ACTR3: variants seen among roughly 807,000 people sequenced by gnomAD.
ACTR3 encodes actin-related protein 3.
ACTR3 carries 12 observed loss-of-function variants against 56.8 expected under a neutral mutation model. The ratio of observed to expected loss-of-function variants is 0.21; its 90% CI spans 0.14 to 0.34. The LOEUF (loss-of-function observed/expected upper bound fraction) is 0.34, where lower values mean the gene tolerates loss of function less well. Among genes scored for constraint, ACTR3 ranks in the 10% least tolerant of loss-of-function variants. The pLI, the probability that ACTR3 is intolerant of heterozygous loss-of-function variation, is 1.00. For synonymous variants in ACTR3, 162 were observed against 167.4 expected (o/e 0.97, Z 0.25); for missense variants, 282 against 512.5 (o/e 0.55, Z 4.34).
intron 3 of ACTR3, among the ~76,000 whole-genome samples, chr2:113,921,360 T>C (rs1679504503): frequency 6.6e-6 from 1 of 151,840 alleles, no homozygotes; most frequent in South Asian, 2.1e-4. Context: ...ATTCCTTATA[T>C]ATTCTGGATG....
At chr2:113,922,833 CA>C (rs1310211493) in intron 3 of ACTR3, among the ~76,000 whole-genome samples, 1 of 152,094 alleles carries the variant, frequency 6.6e-6, no homozygotes, top group African/African-American at 2.4e-5. Context: ...ACCAGTGGAC[CA>C]AAAGTCTTAA....
intron 1 of ACTR3, among the ~76,000 whole-genome samples, chr2:113,910,738 G>A (rs1679291785): frequency 6.6e-6 from 1 of 152,146 alleles, no homozygotes; most frequent in African/African-American, 2.4e-5. Flanking sequence ...GTGGTGGTGT[G>A]TAAGCAGAGG....
chr2:113,921,115 C>A (rs1302079366), intron 3 of ACTR3, among the ~76,000 whole-genome samples: 1 of 152,196 alleles, frequency 6.6e-6, no homozygotes, highest in African/African-American at 2.4e-5. Flanking sequence ...TTCTGCACAT[C>A]CTTGCCAGCA....
chr2:113,897,092 C>T (rs1334154936), intron 1 of ACTR3, among the ~76,000 whole-genome samples: 1 of 152,092 alleles, frequency 6.6e-6, no homozygotes, highest in African/African-American at 2.4e-5. Context: ...CAGTGATAGA[C>T]AGTAGCATAA....
rs1680321141 is a variant in ACTR3 at position 113,961,322 on chromosome 2, T to A, written c.*3867T>A. 6.6e-6 allele frequency: 1 copy of A among 151,876 alleles called. No individual in the cohort carries two copies. Among genetic ancestry groups the A allele is most frequent in the African/African-American group, 2.4e-5 (1 of 41,398 alleles). 9.4% of individuals were successfully genotyped at this position (151,876 alleles called of 1,614,324 possible). On this transcript the variant is annotated 3_prime_UTR_variant, in exon 12 of 12. Coordinates refer to ENST00000263238, the MANE Select transcript of ACTR3 (RefSeq NM_005721.5). ...GTGCTGAAATTAAATATAACCTATT[T>A]GAGTTAAGGATTTATTACTAGTGCT...
At chr2:113,951,651 T>A in intron 9 of ACTR3, 69 bp from the exon 10 acceptor site, 2 of 1,479,796 alleles carry the variant, frequency 1.4e-6, no homozygotes, top group Non-Finnish European at 1.9e-6. Context: ...ATAATAGCAT[T>A]TCAGTACTAT....
intron 1 of ACTR3, among the ~76,000 whole-genome samples, chr2:113,907,976 C>CG: frequency 1.4e-5 from 1 of 69,078 alleles, no homozygotes; most frequent in Admixed American, 1.6e-4. Context: ...CTCTGTCCCC[C>CG]AAAAAAAAAA....
At chr2:113,895,203 T>C (rs1056029402) in intron 1 of ACTR3, among the ~76,000 whole-genome samples, 1 of 152,144 alleles carries the variant, frequency 6.6e-6, no homozygotes, top group Non-Finnish European at 1.5e-5. Context: ...GAGAATTGTA[T>C]GTCAGCCCCT....
intron 1 of ACTR3, among the ~76,000 whole-genome samples, chr2:113,895,067 C>A (rs935015070): frequency 5.5e-5 from 6 of 108,824 alleles, no homozygotes; most frequent in Non-Finnish European, 8.7e-5. Context: ...GTTCCCCCCC[C>A]CCACCCCCCT....
At chr2:113,891,059 G>A (rs994094281) in intron 1 of ACTR3, among the ~76,000 whole-genome samples, 4 of 152,158 alleles carry the variant, frequency 2.6e-5, no homozygotes, top group Non-Finnish European at 5.9e-5. Context: ...TGTCAAAGCC[G>A]CTTCCTGCTT....
At chr2:113,936,571 C>CTTTG (rs1679831313) in intron 6 of ACTR3, among the ~76,000 whole-genome samples, 1 of 152,062 alleles carries the variant, frequency 6.6e-6, no homozygotes, top group Admixed American at 6.6e-5. Context: ...CAGCTTTGAC[C>CTTTG]TTCTAGTCTT....
At chr2:113,890,623 G>A in intron 1 of ACTR3, 1 of 1,283,874 alleles carries the variant, frequency 7.8e-7, no homozygotes, top group Non-Finnish European at 9.8e-7. Flanking sequence ...GCCGCCCAAA[G>A]GGCGCTGGGG....
intron 4 of ACTR3, among the ~76,000 whole-genome samples, chr2:113,927,764 T>C (rs1014212745): frequency 8.5e-5 from 13 of 152,198 alleles, no homozygotes; most frequent in Admixed American, 2.6e-4. Flanking sequence ...TAAAAAACAA[T>C]AGTCTGATTA....
chr2:113,916,024 G>C (rs547987908), intron 2 of ACTR3, among the ~76,000 whole-genome samples: 4 of 152,232 alleles, frequency 2.6e-5, no homozygotes, highest in Non-Finnish European at 4.4e-5. Context: ...GAGCCACCTG[G>C]ATGTCTATGT....
intron 3 of ACTR3, among the ~76,000 whole-genome samples, chr2:113,921,590 T>C (rs918010036): frequency 1.3e-5 from 2 of 152,180 alleles, no homozygotes; most frequent in African/African-American, 4.8e-5. Flanking sequence ...TTCTAGTACT[T>C]TTATAGTTTT....
chr2:113,913,076 G>C, intron 1 of ACTR3, 96 bp from the exon 2 acceptor site: 1 of 773,776 alleles, frequency 1.3e-6, no homozygotes, highest in Non-Finnish European at 2.1e-6. Context: ...ATTTACCTAC[G>C]ATGGAATCTC....
At position 113,957,643 on chromosome 2, in the gene ACTR3, G is replaced by A. The variant is rs1207743244; in HGVS notation, c.*188G>A. 2 of 470,136 alleles carry A rather than the reference G, an allele frequency of 4.3e-6. No individual in the cohort carries two copies. The highest frequency in any genetic ancestry group is 7.6e-6 in the Non-Finnish European group (2 of 261,984). The allele number at this position is 470,136 out of a possible 1,614,324, so 29.1% of individuals were successfully genotyped here. ...GATGTAGAAGAGAGCGAAAGTGATT[G>A]TGTTTTTCTTTAGATTGAATATTTG... is the stretch of plus-strand genomic sequence containing the variant. On this transcript the variant is annotated 3_prime_UTR_variant, in exon 12 of 12. Transcript: ENST00000263238.
intron 1 of ACTR3, among the ~76,000 whole-genome samples, chr2:113,908,703 A>G (rs1679249238): frequency 6.6e-6 from 1 of 151,892 alleles, no homozygotes; most frequent in Admixed American, 6.6e-5. Flanking sequence ...TTTAATTTTC[A>G]AATCTTAATT....
intron 1 of ACTR3, chr2:113,890,635 CG>C: frequency 7.9e-7 from 1 of 1,268,898 alleles, no homozygotes. Context: ...GCGCTGGGGA[CG>C]GTCGTCTTGG....
Sources: gnomAD v4.1 joint callset for allele counts (sites outside exome capture counted in the v4.1 genomes callset) on GRCh38, gnomAD v4.1.1 for gene constraint, MANE v1.5 for transcripts, NCBI Gene and HGNC (gene_info 2026-07-23, HGNC 2026-07-21) for gene names.